The following EPHX4 variants were observed in gnomAD, a reference collection of about 807,000 sequenced individuals.
The protein encoded by EPHX4 is abhydrolase domain containing 7.
In EPHX4, 31 loss-of-function variants were observed where a neutral mutation model predicts 44.9. The ratio of observed to expected loss-of-function variants is 0.69; its 90% confidence interval spans 0.52 to 0.93. EPHX4 has a LOEUF of 0.93. Among genes scored for constraint, EPHX4 ranks in the 40% least tolerant of loss-of-function variants. EPHX4 has a pLI of 0.00. For missense variants in EPHX4, 373 were observed against 438.1 expected, an observed-to-expected ratio of 0.85 and a Z score of 1.33; for synonymous variants, 151 against 159.7, an observed-to-expected ratio of 0.95 and a Z score of 0.41.
intron 4 of EPHX4, 139 bp from the exon 5 acceptor site, chr1:92,050,178 G>A (rs1445393278): frequency 1.7e-6 from 1 of 596,568 alleles, no homozygotes; most frequent in African/African-American, 2.0e-5. Flanking sequence ...TAAGAGCATA[G>A]AAATTGTTCC....
At chr1:92,035,860 T>C (rs1688430231) in intron 2 of EPHX4, among the ~76,000 whole-genome samples, 1 of 152,134 alleles carries the variant, frequency 6.6e-6, no homozygotes, top group South Asian at 2.1e-4. Context: ...TTAAGCCCCA[T>C]AGCTACCCTT....
chr1:92,052,837 A>G (rs1322952031), intron 6 of EPHX4, among the ~76,000 whole-genome samples, 179 bp downstream of exon 6: 1 of 152,234 alleles, frequency 6.6e-6, no homozygotes. Context: ...AAAAGTAGAC[A>G]GAGTAATATA....
At chr1:92,050,180 A>G (rs775890534) in intron 4 of EPHX4, 137 bp from the exon 5 acceptor site, 2 of 599,912 alleles carry the variant, frequency 3.3e-6, no homozygotes, top group Non-Finnish European at 5.9e-6. Flanking sequence ...AGAGCATAGA[A>G]ATTGTTCCAA....
intron 5 of EPHX4, among the ~76,000 whole-genome samples, chr1:92,050,934 G>A (rs1647238459): frequency 6.6e-6 from 1 of 152,168 alleles, no homozygotes; most frequent in South Asian, 2.1e-4. Flanking sequence ...CCAGGCTCAA[G>A]CAATCCTCTC....
At chr1:92,037,176 TTAAG>T (rs1295463616) in intron 2 of EPHX4, among the ~76,000 whole-genome samples, 27 of 152,108 alleles carry the variant, frequency 1.8e-4, no homozygotes, top group African/African-American at 6.5e-4. Context: ...TGATTGTAGA[TTAAG>T]TAGGTAACAA....
intron 2 of EPHX4, among the ~76,000 whole-genome samples, chr1:92,038,656 A>C (rs572648415): frequency 6.6e-6 from 1 of 152,300 alleles, no homozygotes; most frequent in South Asian, 2.1e-4. Context: ...GAGAGCTGGG[A>C]AGTCTCCTAG....
In EPHX4 at chr1:92,050,456, A is replaced by G. The variant is rs901033581; in HGVS notation, c.708+36A>G. 2.8e-6 allele frequency: 3 copies of G among 1,080,434 alleles called. No homozygotes were observed. The African/African-American group carries it at 4.9e-5, about 18-fold the overall frequency. 66.9% of individuals were successfully genotyped at this position (1,080,434 alleles called of 1,614,324 possible). A position where few individuals can be genotyped will look rare whatever the true frequency, so the allele number is the denominator to read the frequency against. On this transcript the variant is annotated intron_variant, in intron 5 of 6. Coordinates refer to ENST00000370383, the MANE Select transcript of EPHX4 (RefSeq NM_173567.5). ...CAAATCAAACAAATAATGTATTATTATTATTATTAATGAAAAATATTTTAA... is the reference window on the plus strand; with the variant it reads ...CAAATCAAACAAATAATGTATTATTGTTATTATTAATGAAAAATATTTTAA...
intron 6 of EPHX4, among the ~76,000 whole-genome samples, chr1:92,058,526 C>T (rs1010898436): frequency 6.6e-6 from 1 of 151,738 alleles, no homozygotes. Flanking sequence ...AAAGAAAAAG[C>T]GTTTAATAAA....
intron 6 of EPHX4, among the ~76,000 whole-genome samples, chr1:92,058,444 A>G (rs1288059744): frequency 3.9e-5 from 5 of 128,152 alleles, no homozygotes; most frequent in South Asian, 2.3e-4. Context: ...CCCGTCTCAG[A>G]AAAAAAAAAA....
chr1:92,030,029 C>T lies in EPHX4; in HGVS notation c.-51C>T. The T allele has an allele frequency of 7.3e-7, 1 of 1,374,706 alleles. No homozygotes were observed. The highest frequency in any genetic ancestry group is 9.5e-7 in the Non-Finnish European group (1 of 1,049,320). 85.2% of individuals were successfully genotyped at this position (1,374,706 alleles called of 1,614,324 possible). ...CGGGCTGGCCTGGCGCGCTGCGGCG[C>T]TCGCTCACCCGCTCCCGAGGAAGGG... On this transcript the variant is annotated 5_prime_UTR_variant, in exon 1 of 7. Transcript: ENST00000370383.
At chr1:92,040,458 T>C (rs2101868429) in intron 2 of EPHX4, among the ~76,000 whole-genome samples, 1 of 151,688 alleles carries the variant, frequency 6.6e-6, no homozygotes, top group African/African-American at 2.4e-5. Context: ...CCCAAGTAGC[T>C]GGGATTACAG....
intron 4 of EPHX4, among the ~76,000 whole-genome samples, chr1:92,047,488 G>A (rs1688598387): frequency 6.6e-6 from 1 of 151,440 alleles, no homozygotes; most frequent in Non-Finnish European, 1.5e-5. Flanking sequence ...TATTTGTGTT[G>A]TCTTGAGACA....
intron 5 of EPHX4, among the ~76,000 whole-genome samples, chr1:92,051,870 C>T (rs536741098): frequency 3.9e-5 from 6 of 152,224 alleles, no homozygotes; most frequent in Non-Finnish European, 8.8e-5. Context: ...TTTTATAATT[C>T]TTTCTGCTTT....
intron 1 of EPHX4, among the ~76,000 whole-genome samples, 175 bp downstream of exon 1, chr1:92,030,485 T>TGAGAGA (rs371017117): frequency 2.3e-4 from 32 of 138,722 alleles, no homozygotes; most frequent in African/African-American, 8.6e-4. Flanking sequence ...TGTGTGTGTG[T>TGAGAGA]GAGAGAGAGA....
chr1:92,052,494 T>C lies in EPHX4; in HGVS notation c.709-16T>C. 1.3e-6 allele frequency: 2 copies of C among 1,577,396 alleles called. No homozygotes were observed. Among genetic ancestry groups the C allele is most frequent in the Non-Finnish European group, 1.7e-6 (2 of 1,164,174 alleles). On this transcript the variant is annotated splice_polypyrimidine_tract_variant and intron_variant, in intron 5 of 6. Coordinates refer to ENST00000370383, the MANE Select transcript of EPHX4 (RefSeq NM_173567.5). ...TAACAAAAAAGTTTTAATTATTGTT[T>C]TCTCACTTAAATTAGGTTTTGAAAC...
chr1:92,048,737 T>G (rs762718009), intron 4 of EPHX4, among the ~76,000 whole-genome samples: 11 of 152,016 alleles, frequency 7.2e-5, no homozygotes, highest in Non-Finnish European at 1.6e-4. Context: ...AGGATCTCAT[T>G]TAGGATCTCA....
In EPHX4 at chr1:92,030,159, A is replaced by G. The variant is rs1334768710; in HGVS notation, c.80A>G (p.Tyr27Cys). ...SLLFWSLVYC[Y>C]CGLCASIHLL... ...CTCTTCTGGTCCCTGGTCTACTGCT[A>G]CTGCGGGCTCTGCGCCTCCATCCAC... The change falls in exon 1 of 7, where the codon TAC becomes TGC. Residue 27 changes from tyrosine to cysteine, a missense_variant. By Grantham distance (194) the Tyr-to-Cys change is radical. Transcript: ENST00000370383. 1.2e-6 allele frequency: 2 copies of G among 1,612,616 alleles called. No individual in the cohort carries two copies. The highest frequency in any genetic ancestry group is 2.2e-5 in the East Asian group (1 of 44,824).
chr1:92,046,009 G>C (rs1490163131), intron 4 of EPHX4, among the ~76,000 whole-genome samples: 1 of 152,136 alleles, frequency 6.6e-6, no homozygotes, highest in Non-Finnish European at 1.5e-5. Context: ...TTGGCTGTCA[G>C]GAATAGCAGT....
intron 2 of EPHX4, among the ~76,000 whole-genome samples, chr1:92,037,701 GA>G (rs1688460261): frequency 6.6e-6 from 1 of 152,196 alleles, no homozygotes; most frequent in Non-Finnish European, 1.5e-5. Flanking sequence ...GTCTACATCT[GA>G]AAGTGTAACC....
Sources: gnomAD v4.1 joint callset for allele counts (sites outside exome capture counted in the v4.1 genomes callset) on GRCh38, gnomAD v4.1.1 for gene constraint, MANE v1.5 for transcripts, NCBI Gene and HGNC (gene_info 2026-07-23, HGNC 2026-07-21) for gene names.